Variants in CACNA2D1 observed in about 807,000 individuals in gnomAD.
CACNA2D1 encodes the protein voltage-dependent calcium channel subunit alpha-2/delta-1.
A neutral mutation model predicts 171.5 loss-of-function variants in CACNA2D1; 53 were observed. The observed-to-expected ratio is 0.31, with a 90% CI of 0.25 to 0.39. The LOEUF (loss-of-function observed/expected upper bound fraction) is 0.39, where lower values mean the gene tolerates loss of function less well. Ranked by LOEUF, CACNA2D1 falls within the 10% of genes least tolerant of loss-of-function variation. The pLI, the probability that CACNA2D1 is intolerant of heterozygous loss-of-function variation, is 1.00. For synonymous variants in CACNA2D1, 442 were observed against 443.1 expected (o/e 1.00, Z 0.03); for missense variants, 903 against 1,299.8 (o/e 0.69, Z 4.69).
chr7:82,264,632 GAAGA>G (rs1447595601), intron 3 of CACNA2D1, among the ~76,000 whole-genome samples: 3 of 152,130 alleles, frequency 2.0e-5, no homozygotes, highest in East Asian at 1.9e-4. Context: ...GAAGAGAAAT[GAAGA>G]AAGAAAAGGA....
rs146897830 is a variant in CACNA2D1 at position 82,026,920 on chromosome 7, C to G, written c.1143+5877G>C. On this transcript the variant is annotated intron_variant, in intron 12 of 38. Coordinates refer to ENST00000356860, the MANE Select transcript of CACNA2D1 (RefSeq NM_000722.4). The stretch of plus-strand genomic sequence containing the variant: ...GTATAACTGAATTAAAGGTGGTTGT[C>G]TGCTATCATTTATACTCATTATTAG... Among the ~76,000 whole-genome samples the G allele has an allele frequency of 7.6e-3, 1,146 of 151,742 alleles. 6 individuals are homozygous for G. Among genetic ancestry groups the G allele is most frequent in the Middle Eastern group, 0.051 (15 of 294 alleles).
intron 3 of CACNA2D1, among the ~76,000 whole-genome samples, chr7:82,183,361 A>G (rs1797344837): frequency 6.6e-6 from 1 of 152,178 alleles, no homozygotes; most frequent in Non-Finnish European, 1.5e-5. Flanking sequence ...TTAAAGAACT[A>G]GAAAATGCAG....
chr7:82,091,859 A>G (rs975599231), intron 6 of CACNA2D1, among the ~76,000 whole-genome samples: 1 of 152,216 alleles, frequency 6.6e-6, no homozygotes, highest in Non-Finnish European at 1.5e-5. Flanking sequence ...CAAATCATTT[A>G]ACTTCTTGTG....
chr7:82,080,984 G>A (rs886251753), intron 7 of CACNA2D1, among the ~76,000 whole-genome samples: 1 of 152,124 alleles, frequency 6.6e-6, no homozygotes. Context: ...ATAACCCCCA[G>A]GGGATAAAAT....
At chr7:82,193,906 A>G (rs548133566) in intron 3 of CACNA2D1, among the ~76,000 whole-genome samples, 1 of 152,096 alleles carries the variant, frequency 6.6e-6, no homozygotes, top group South Asian at 2.1e-4. Flanking sequence ...TTTATCTATT[A>G]TGCATATTTT....
intron 4 of CACNA2D1, among the ~76,000 whole-genome samples, chr7:82,165,331 T>C (rs1215218858): frequency 6.6e-6 from 1 of 152,010 alleles, no homozygotes; most frequent in Non-Finnish European, 1.5e-5. Flanking sequence ...TGCAGGGGCT[T>C]CCACTGTACT....
intron 18 of CACNA2D1, among the ~76,000 whole-genome samples, chr7:82,001,008 T>C (rs531258640): frequency 6.6e-6 from 1 of 152,186 alleles, no homozygotes; most frequent in South Asian, 2.1e-4. Flanking sequence ...TTTGAAATTC[T>C]GAAATTCTCT....
At chr7:82,360,007 AAGTT>A (rs1455743655) in intron 1 of CACNA2D1, among the ~76,000 whole-genome samples, 1 of 152,204 alleles carries the variant, frequency 6.6e-6, no homozygotes, top group African/African-American at 2.4e-5. Context: ...TAGAGCGGTT[AAGTT>A]ACTTACCAAA....
At chr7:82,410,256 A>G (rs1378706671) in intron 1 of CACNA2D1, among the ~76,000 whole-genome samples, 1 of 152,212 alleles carries the variant, frequency 6.6e-6, no homozygotes, top group Admixed American at 6.5e-5. Context: ...CTTTATTACA[A>G]GAAAAGGTAT....
At chr7:82,424,542 A>G (rs1829011477) in intron 1 of CACNA2D1, among the ~76,000 whole-genome samples, 1 of 152,182 alleles carries the variant, frequency 6.6e-6, no homozygotes, top group South Asian at 2.1e-4. Flanking sequence ...ATAAATGGAT[A>G]TTTTTCAGGA....
chr7:82,390,058 A>G (rs945141492), intron 1 of CACNA2D1, among the ~76,000 whole-genome samples: 3 of 152,172 alleles, frequency 2.0e-5, no homozygotes, highest in African/African-American at 7.2e-5. Context: ...CAAAATAAAG[A>G]TGAGCTCATA....
In CACNA2D1 at chr7:82,401,674, T is replaced by C. The variant is rs1312907893; in HGVS notation, c.95+41691A>G. Among the ~76,000 whole-genome samples the C allele has an allele frequency of 2.6e-5, 4 of 151,536 alleles. No individual in the cohort carries two copies. The East Asian group carries it at 7.8e-4, about 30-fold the overall frequency. ...ATACATATGTAACTAACCTGCACAA[T>C]GTGCATATGTACCCTAAAACTTGAA... On this transcript the variant is annotated intron_variant, in intron 1 of 38. Transcript: ENST00000356860.
At chr7:82,154,194 C>G (rs776644564) in intron 4 of CACNA2D1, among the ~76,000 whole-genome samples, 1 of 152,160 alleles carries the variant, frequency 6.6e-6, no homozygotes, top group Non-Finnish European at 1.5e-5. Context: ...TCTCACCCTG[C>G]CCCATATATC....
At chr7:82,239,707 C>T (rs530626712) in intron 3 of CACNA2D1, among the ~76,000 whole-genome samples, 7 of 152,060 alleles carry the variant, frequency 4.6e-5, no homozygotes, top group Non-Finnish European at 1.0e-4. Context: ...TGTCATGTAG[C>T]CTAAATGTCT....
intron 1 of CACNA2D1, among the ~76,000 whole-genome samples, chr7:82,416,055 A>C (rs914172449): frequency 9.2e-5 from 14 of 151,774 alleles, no homozygotes; most frequent in Non-Finnish European, 2.1e-4. Context: ...TCTCTACTAA[A>C]AATACAAAAA....
At chr7:82,353,691 A>G (rs1820102149) in intron 1 of CACNA2D1, among the ~76,000 whole-genome samples, 1 of 152,150 alleles carries the variant, frequency 6.6e-6, no homozygotes, top group South Asian at 2.1e-4. Flanking sequence ...CAAAGAGAAT[A>G]AAGAAGTATA....
At chr7:82,052,082 G>C (rs1805256386) in intron 10 of CACNA2D1, among the ~76,000 whole-genome samples, 2 of 152,184 alleles carry the variant, frequency 1.3e-5, no homozygotes, top group South Asian at 4.1e-4. Context: ...GAGGCTACTT[G>C]ATTTTTCTGT....
chr7:82,378,995 C>T (rs114675858), intron 1 of CACNA2D1, among the ~76,000 whole-genome samples: 1,537 of 149,094 alleles, frequency 0.01, 33 homozygotes, highest in African/African-American at 0.036. Flanking sequence ...GTGTTATACT[C>T]GGGAGCTGCA....
chr7:82,060,180 T>TATATATATA (rs1314734590), intron 10 of CACNA2D1, among the ~76,000 whole-genome samples: 670 of 23,142 alleles, frequency 0.029, 86 homozygotes, highest in African/African-American at 0.13. Context: ...ATATATATAA[T>TATATATATA]ATATATATAT....
Sources: gnomAD v4.1 joint callset for allele counts (sites outside exome capture counted in the v4.1 genomes callset) on GRCh38, gnomAD v4.1.1 for gene constraint, MANE v1.5 for transcripts, NCBI Gene and HGNC (gene_info 2026-07-23, HGNC 2026-07-21) for gene names.